ANO3: variants seen among roughly 807,000 people sequenced by gnomAD.
The protein encoded by ANO3 is anoctamin 3.
A neutral mutation model predicts 144.8 loss-of-function variants in ANO3; 99 were observed. The observed-to-expected ratio is 0.68, with a 90% confidence interval of 0.58 to 0.81. The LOEUF (loss-of-function observed/expected upper bound fraction) is 0.81. ANO3 is among the 30% of genes least tolerant of loss of function. The probability of loss-of-function intolerance (pLI) is 0.00; values close to 1 mark genes in which losing one functional copy is unlikely to be tolerated. For synonymous variants in ANO3, 414 were observed against 392.6 expected, an observed-to-expected ratio of 1.05 and a Z score of -0.64; for missense variants, 905 against 1,202.2, an observed-to-expected ratio of 0.75 and a Z score of 3.66.
chr11:26,659,816 A>G lies in ANO3; in HGVS notation c.2764-446A>G, dbSNP rs1853822095. The stretch of plus-strand genomic sequence containing the variant: ...TGAACTTAATAGACATGAAAAATGC[A>G]TTTTCTGAGTTTGAGTCTAATGCTA... On this transcript the variant is annotated intron_variant, in intron 26 of 26. Coordinates refer to ENST00000256737, the MANE Select transcript of ANO3 (RefSeq NM_031418.4). Among the ~76,000 whole-genome samples, 3 of 152,118 alleles carry G rather than the reference A, an allele frequency of 2.0e-5. No individual in the cohort carries two copies. The South Asian group carries it at 6.2e-4, about 31-fold the overall frequency.
chr11:26,282,186 T>C (rs1853692842), intron 1 of ANO3, among the ~76,000 whole-genome samples: 1 of 152,204 alleles, frequency 6.6e-6, no homozygotes, highest in Admixed American at 6.5e-5. Flanking sequence ...GAAAATGTAG[T>C]TGATGATGCT....
At chr11:26,586,589 G>A (rs539755187) in intron 14 of ANO3, among the ~76,000 whole-genome samples, 4 of 140,972 alleles carry the variant, frequency 2.8e-5, no homozygotes, top group East Asian at 2.3e-4. Flanking sequence ...CGCAAGCTCC[G>A]CCTCCCATGT....
intron 17 of ANO3, among the ~76,000 whole-genome samples, chr11:26,624,127 G>C (rs1315142408): frequency 6.6e-6 from 1 of 152,182 alleles, no homozygotes; most frequent in East Asian, 1.9e-4. Context: ...CTCAGCCATT[G>C]ATTAGCTGAA....
chr11:26,189,768 C>G (rs1036018459), intron 1 of ANO3, among the ~76,000 whole-genome samples: 1 of 152,074 alleles, frequency 6.6e-6, no homozygotes, highest in African/African-American at 2.4e-5. Flanking sequence ...TTTATGTTCT[C>G]ATTAAGAACA....
intron 1 of ANO3, among the ~76,000 whole-genome samples, chr11:26,226,052 A>G (rs576713515): frequency 2.5e-4 from 38 of 152,044 alleles, no homozygotes; most frequent in Non-Finnish European, 4.4e-4. Context: ...AGTATGTACA[A>G]CCCCTACAAG....
At chr11:26,638,358 G>T (rs1429351134) in intron 20 of ANO3, among the ~76,000 whole-genome samples, 1 of 152,170 alleles carries the variant, frequency 6.6e-6, no homozygotes, top group Non-Finnish European at 1.5e-5. Context: ...CTTTGTGATT[G>T]GTCTCTCCAA....
At chr11:26,610,713 A>G (rs1037433758) in intron 17 of ANO3, among the ~76,000 whole-genome samples, 36 of 152,236 alleles carry the variant, frequency 2.4e-4, no homozygotes, top group African/African-American at 8.4e-4. Context: ...GTAGTGAAAG[A>G]TAGTGTTGTT....
chr11:26,440,767 A>G (rs2134021742), intron 1 of ANO3, among the ~76,000 whole-genome samples: 1 of 152,152 alleles, frequency 6.6e-6, no homozygotes, highest in South Asian at 2.1e-4. Context: ...TCTAAGGAGG[A>G]TATTAAGTGG....
At chr11:26,325,389 G>A (rs1854859277) in intron 1 of ANO3, among the ~76,000 whole-genome samples, 1 of 152,024 alleles carries the variant, frequency 6.6e-6, no homozygotes, top group South Asian at 2.1e-4. Flanking sequence ...AAGGAAGTAA[G>A]AATAATTTTA....
At chr11:26,191,551 T>C (rs1851478700) in intron 1 of ANO3, among the ~76,000 whole-genome samples, 1 of 152,156 alleles carries the variant, frequency 6.6e-6, no homozygotes, top group East Asian at 1.9e-4. Flanking sequence ...ATTTCCATCT[T>C]TGTTCACTAT....
At chr11:26,427,571 A>T (rs1191834078) in intron 1 of ANO3, among the ~76,000 whole-genome samples, 1 of 152,196 alleles carries the variant, frequency 6.6e-6, no homozygotes, top group East Asian at 1.9e-4. Context: ...GAAGAAAAAC[A>T]GATGAGCATA....
At chr11:26,190,267 C>A (rs1851450116) in intron 1 of ANO3, among the ~76,000 whole-genome samples, 2 of 151,982 alleles carry the variant, frequency 1.3e-5, no homozygotes, top group Admixed American at 1.3e-4. Flanking sequence ...TGGCAAACTT[C>A]TTTATTATAT....
At chr11:26,514,472 G>T (rs767687772) in intron 5 of ANO3, among the ~76,000 whole-genome samples, 5 of 152,060 alleles carry the variant, frequency 3.3e-5, no homozygotes, top group Non-Finnish European at 4.4e-5. Context: ...TTTTCCAGAT[G>T]AGAAAACTGA....
intron 1 of ANO3, among the ~76,000 whole-genome samples, chr11:26,232,607 C>A (rs1852425496): frequency 6.6e-6 from 1 of 152,100 alleles, no homozygotes; most frequent in Non-Finnish European, 1.5e-5. Context: ...GGAACCCTAC[C>A]TTACACCTTA....
At chr11:26,359,130 C>A (rs767375995) in intron 1 of ANO3, among the ~76,000 whole-genome samples, 1 of 152,192 alleles carries the variant, frequency 6.6e-6, no homozygotes, top group Non-Finnish European at 1.5e-5. Context: ...GGAAACCAGG[C>A]ACTAGCAGTT....
At chr11:26,617,798 G>A (rs1164873448) in intron 17 of ANO3, among the ~76,000 whole-genome samples, 3 of 152,100 alleles carry the variant, frequency 2.0e-5, no homozygotes, top group Non-Finnish European at 4.4e-5. Context: ...GATTTAATTA[G>A]TATAAAATAA....
At chr11:26,239,064 T>C (rs1173319707) in intron 1 of ANO3, among the ~76,000 whole-genome samples, 1 of 150,054 alleles carries the variant, frequency 6.7e-6, no homozygotes, top group East Asian at 1.9e-4. Context: ...TTAATTATAA[T>C]TTGGATTAAC....
intron 17 of ANO3, among the ~76,000 whole-genome samples, chr11:26,623,979 G>A (rs905474453): frequency 1.3e-5 from 2 of 151,846 alleles, no homozygotes; most frequent in Admixed American, 6.6e-5. Context: ...GTAGAGACGG[G>A]GTTTCACCCT....
chr11:26,655,221 CTT>C, intron 24 of ANO3, among the ~76,000 whole-genome samples: 1 of 152,258 alleles, frequency 6.6e-6, no homozygotes, highest in South Asian at 2.1e-4. Context: ...GCTTCTGTAC[CTT>C]CCCATCTGTC....
Sources: gnomAD v4.1 joint callset for allele counts (sites outside exome capture counted in the v4.1 genomes callset) on GRCh38, gnomAD v4.1.1 for gene constraint, MANE v1.5 for transcripts, NCBI Gene and HGNC (gene_info 2026-07-23, HGNC 2026-07-21) for gene names.